PCDHAC1: variants seen among roughly 807,000 people sequenced by gnomAD.
PCDHAC1 encodes the protein protocadherin alpha subfamily C, 1.
A neutral mutation model predicts 60.0 loss-of-function variants in PCDHAC1; 42 were observed. The observed-to-expected ratio is 0.70, with a 90% CI of 0.55 to 0.90. PCDHAC1 has a LOEUF of 0.90. Ranked by LOEUF, PCDHAC1 falls within the 40% of genes least tolerant of loss-of-function variation. The probability of loss-of-function intolerance (pLI) is 0.00; values close to 1 mark genes in which losing one functional copy is unlikely to be tolerated. For missense variants in PCDHAC1, 1,160 were observed against 1,222.3 expected (o/e 0.95, Z 0.76); for synonymous variants, 468 against 499.3 (o/e 0.94, Z 0.84).
intron 1 of PCDHAC1, among the ~76,000 whole-genome samples, chr5:140,960,397 G>C (rs1322659184): frequency 6.6e-6 from 1 of 152,102 alleles, no homozygotes; most frequent in African/African-American, 2.4e-5. Flanking sequence ...AGGATGCAAG[G>C]GGGGGTGCCC....
chr5:140,929,163 G>T lies in PCDHAC1; in HGVS notation c.2271G>T (p.Arg757=), dbSNP rs142058597. Residue 757 remains arginine, a synonymous_variant, in exon 1 of 4, where the codon CGG becomes CGT. Coordinates refer to ENST00000253807, the MANE Select transcript of PCDHAC1 (RefSeq NM_018898.5). The part of the protein sequence containing the change: ...VERLSQTYLY[R]ASLGLGSDNN... ...GACTTTCTCAGACTTATCTCTATCG[G>T]GCCTCTCTGGGACTTGGTTCTGATA... 2.4e-4 allele frequency: 385 copies of T among 1,614,058 alleles called. 2 individuals carry two copies. In the African/African-American group the frequency reaches 4.5e-3, roughly 19 times the overall value.
Position 140,927,533 on chromosome 5 carries a change from C to T in PCDHAC1, c.641C>T (p.Ser214Leu). Residue 214 changes from serine (S) to leucine (L), a missense_variant, in exon 1 of 4, where the codon TCA (serine) becomes TTA (leucine). By Grantham distance (145) the Ser-to-Leu change is moderately radical. Transcript: ENST00000253807. Reference sequence around the variant, plus strand: ...CGGGACGGCGGGCTACCTGCCCGCTCAGGAGACGCACAAGTCACCATCATT... The same window carrying T: ...CGGGACGGCGGGCTACCTGCCCGCTTAGGAGACGCACAAGTCACCATCATT... ...TARDGGLPAR[S>L]GDAQVTIIVV... 6.2e-7 allele frequency: 1 copy of T among 1,614,102 alleles called. No individual in the cohort carries two copies. Among genetic ancestry groups the T allele is most frequent in the Non-Finnish European group, 8.5e-7 (1 of 1,180,030 alleles).
rs797023184 is a variant in PCDHAC1 at position 140,941,202 on chromosome 5, CCTTT to C, written c.2433+11885_2433+11888del. The stretch of plus-strand genomic sequence containing the variant: ...TCCTGCTTCTTTTTTTTTCTTTCTT[CCTTT>C]CTTTCTTCCTTTCTTTCTTTCTTTC... On this transcript the variant is annotated intron_variant, in intron 1 of 3. Transcript: ENST00000253807. Among the ~76,000 whole-genome samples, 914 of 122,710 alleles carry C rather than the reference CCTTT, an allele frequency of 7.4e-3. 14 individuals are homozygous for C. The highest frequency in any genetic ancestry group is 0.013 in the African/African-American group (444 of 33,832). The allele number at this position is 122,710 out of a possible 152,430, so 80.5% of individuals were successfully genotyped here. A position where few individuals can be genotyped will look rare whatever the true frequency, so the allele number is the denominator to read the frequency against.
intron 3 of PCDHAC1, among the ~76,000 whole-genome samples, chr5:140,998,018 G>A (rs575495303): frequency 2.0e-5 from 3 of 152,170 alleles, no homozygotes; most frequent in Admixed American, 6.5e-5. Flanking sequence ...TCCCCACCTC[G>A]AGCTAGTGCT....
rs567902726 is a variant in PCDHAC1 at position 140,936,017 on chromosome 5, C to T, written c.2433+6692C>T. Among the ~76,000 whole-genome samples, 12 of 151,854 alleles carry T rather than the reference C, an allele frequency of 7.9e-5. No individual in the cohort carries two copies. The South Asian group carries it at 1.7e-3, about 21-fold the overall frequency. ...AAGCGATTCTCCCACCTCAGCCTCCCGAGTAGCGGGGATTACAGGCACCCA... is the reference window on the plus strand; with the variant it reads ...AAGCGATTCTCCCACCTCAGCCTCCTGAGTAGCGGGGATTACAGGCACCCA... On this transcript the variant is annotated intron_variant, in intron 1 of 3. Coordinates refer to ENST00000253807, the MANE Select transcript of PCDHAC1 (RefSeq NM_018898.5).
intron 3 of PCDHAC1, among the ~76,000 whole-genome samples, chr5:141,000,193 A>G (rs554462748): frequency 2.0e-5 from 3 of 151,958 alleles, no homozygotes; most frequent in Non-Finnish European, 4.4e-5. Flanking sequence ...ATGTGAGAAT[A>G]GTTTTTCACC....
chr5:140,954,355 G>A (rs10054520), intron 1 of PCDHAC1, among the ~76,000 whole-genome samples: 9 of 152,232 alleles, frequency 5.9e-5, no homozygotes, highest in African/African-American at 1.7e-4. Context: ...TTGAGGAATC[G>A]CCACACAGTC....
At chr5:140,998,405 G>C (rs144117915) in intron 3 of PCDHAC1, among the ~76,000 whole-genome samples, 226 of 152,208 alleles carry the variant, frequency 1.5e-3, no homozygotes, top group African/African-American at 5.2e-3. Flanking sequence ...TTATGCCAAA[G>C]TTTATCTACC....
chr5:140,975,811 A>G (rs2096684538), intron 1 of PCDHAC1, among the ~76,000 whole-genome samples: 3 of 134,728 alleles, frequency 2.2e-5, no homozygotes, highest in Non-Finnish European at 5.2e-5. Context: ...TATAATTTTA[A>G]TAGGAACTGA....
At chr5:140,964,509 C>T (rs552530683) in intron 1 of PCDHAC1, among the ~76,000 whole-genome samples, 1 of 152,258 alleles carries the variant, frequency 6.6e-6, no homozygotes, top group Non-Finnish European at 1.5e-5. Flanking sequence ...GGTCAATACC[C>T]AGTGGCCAGG....
intron 1 of PCDHAC1, among the ~76,000 whole-genome samples, chr5:140,951,536 C>T (rs1260106126): frequency 2.0e-5 from 3 of 151,914 alleles, no homozygotes; most frequent in Admixed American, 6.6e-5. Flanking sequence ...GGTGCAGGAG[C>T]AAGGGACGGG....
intron 1 of PCDHAC1, among the ~76,000 whole-genome samples, chr5:140,953,564 G>C (rs2094904127): frequency 6.6e-6 from 1 of 152,058 alleles, no homozygotes; most frequent in Non-Finnish European, 1.5e-5. Context: ...AAGTTTTAGT[G>C]CCCTCCTCTC....
chr5:140,965,401 A>C (rs546046699), intron 1 of PCDHAC1, among the ~76,000 whole-genome samples: 1 of 152,166 alleles, frequency 6.6e-6, no homozygotes, highest in Non-Finnish European at 1.5e-5. Flanking sequence ...AAGTCTAAGG[A>C]GTCTTATATT....
chr5:140,952,546 C>T (rs1449369285), intron 1 of PCDHAC1, among the ~76,000 whole-genome samples: 1 of 152,108 alleles, frequency 6.6e-6, no homozygotes, highest in African/African-American at 2.4e-5. Flanking sequence ...CTTCTTTGTC[C>T]ATTTCACTAT....
rs199608631 is a variant in PCDHAC1 at position 140,929,213 on chromosome 5, A to G, written c.2321A>G (p.Glu774Gly). The change falls in exon 1 of 4, where the codon GAG becomes GGG. Residue 774 changes from glutamate (E) to glycine (G), a missense_variant. Around this residue, in one of 3 missense-constraint regions of PCDHAC1, gnomAD observed 1,113 missense variants for 1,163.7 expected, o/e 0.96. Transcript: ENST00000253807. The stretch of plus-strand genomic sequence containing the variant: ...AATAACAGTTTGCTGTTGCGTGGGG[A>G]GTACAATGCTGCCGACCTGCGAAAT... ...SDNNSLLLRG[E>G]YNAADLRNLA... 6 of 1,613,934 alleles carry G rather than the reference A, an allele frequency of 3.7e-6. No homozygotes were observed. Among genetic ancestry groups the G allele is most frequent in the Admixed American group, 1.7e-5 (1 of 59,982 alleles).
chr5:140,953,410 G>A (rs1328809858), intron 1 of PCDHAC1, among the ~76,000 whole-genome samples: 5 of 152,042 alleles, frequency 3.3e-5, no homozygotes, highest in Non-Finnish European at 5.9e-5. Flanking sequence ...GTTGCTCCTG[G>A]CTCCTCCCCT....
chr5:140,968,267 A>G, intron 1 of PCDHAC1: 1 of 1,613,984 alleles, frequency 6.2e-7, no homozygotes, highest in Non-Finnish European at 8.5e-7. Flanking sequence ...TGAAAAGGAG[A>G]ATGCAGAGGT....
intron 1 of PCDHAC1, among the ~76,000 whole-genome samples, chr5:140,962,961 T>C (rs1483172996): frequency 1.3e-5 from 2 of 152,148 alleles, no homozygotes; most frequent in African/African-American, 4.8e-5. Flanking sequence ...TCTATCCCTA[T>C]ATAGGAAATT....
intron 1 of PCDHAC1, among the ~76,000 whole-genome samples, chr5:140,938,340 T>A (rs1210571018): frequency 6.6e-6 from 1 of 152,224 alleles, no homozygotes; most frequent in Non-Finnish European, 1.5e-5. Flanking sequence ...TAATGGATAA[T>A]CTTGTCTTAT....
Sources: gnomAD v4.1 joint callset for allele counts (sites outside exome capture counted in the v4.1 genomes callset) on GRCh38, gnomAD v4.1.1 for gene constraint, gnomAD v4.1.1 regional missense constraint, MANE v1.5 for transcripts, NCBI Gene and HGNC (gene_info 2026-07-23, HGNC 2026-07-21) for gene names.